GRID2: variants seen among roughly 807,000 people sequenced by gnomAD.
The protein encoded by GRID2 is glutamate ionotropic receptor delta type subunit 2.
A neutral mutation model predicts 114.8 loss-of-function variants in GRID2; 33 were observed. The observed-to-expected ratio is 0.29, with a 90% CI of 0.22 to 0.38. The LOEUF (loss-of-function observed/expected upper bound fraction) is 0.38, where lower values mean the gene tolerates loss of function less well. Among genes scored for constraint, GRID2 ranks in the 10% least tolerant of loss-of-function variants. GRID2 has a pLI of 1.00. For synonymous variants in GRID2, 505 were observed against 449.9 expected (o/e 1.12, Z -1.55); for missense variants, 1,184 against 1,257.7 (o/e 0.94, Z 0.89).
chr4:93,128,522 A>G (rs571219534), intron 4 of GRID2, among the ~76,000 whole-genome samples: 1 of 152,338 alleles, frequency 6.6e-6, no homozygotes. Flanking sequence ...TCAGAACAAA[A>G]GAGAAATGTT....
At chr4:92,767,727 G>A (rs1304047988) in intron 2 of GRID2, among the ~76,000 whole-genome samples, 1 of 151,728 alleles carries the variant, frequency 6.6e-6, no homozygotes, top group African/African-American at 2.4e-5. Context: ...CTCCAGTCTG[G>A]GCGACAGAGA....
At chr4:93,631,684 A>G (rs867855367) in intron 14 of GRID2, among the ~76,000 whole-genome samples, 1 of 152,174 alleles carries the variant, frequency 6.6e-6, no homozygotes, top group Admixed American at 6.5e-5. Flanking sequence ...ATACGTGTGC[A>G]TGTGTCTTTA....
At chr4:93,285,539 C>A (rs112558160) in intron 8 of GRID2, among the ~76,000 whole-genome samples, 2 of 151,984 alleles carry the variant, frequency 1.3e-5, no homozygotes, top group African/African-American at 4.8e-5. Flanking sequence ...AAATAGCTGA[C>A]ACTGTGAAAT....
chr4:93,597,685 A>G (rs1739239971), intron 13 of GRID2, among the ~76,000 whole-genome samples: 1 of 152,180 alleles, frequency 6.6e-6, no homozygotes, highest in East Asian at 1.9e-4. Context: ...GACACTCTTC[A>G]TTGCCTGTCC....
intron 2 of GRID2, among the ~76,000 whole-genome samples, chr4:92,847,149 A>C (rs1475422203): frequency 6.6e-6 from 1 of 152,092 alleles, no homozygotes; most frequent in Non-Finnish European, 1.5e-5. Flanking sequence ...CTTGGCTGAC[A>C]GCTGAGACTT....
intron 14 of GRID2, among the ~76,000 whole-genome samples, chr4:93,652,784 T>TAAAAAAAAAAAAAAAAA (rs200098114): frequency 1.2e-5 from 1 of 86,416 alleles, no homozygotes; most frequent in Non-Finnish European, 2.3e-5. Context: ...CAGTAAATGC[T>TAAAAAAAAAAAAAAAAA]AAAAAAAAAA....
intron 1 of GRID2, among the ~76,000 whole-genome samples, chr4:92,543,766 A>T (rs1402054770): frequency 6.6e-6 from 1 of 152,222 alleles, no homozygotes; most frequent in Non-Finnish European, 1.5e-5. Context: ...TAGATGGAAT[A>T]GGAAAAAATG....
At chr4:92,700,909 G>T (rs1734642537) in intron 2 of GRID2, among the ~76,000 whole-genome samples, 1 of 151,812 alleles carries the variant, frequency 6.6e-6, no homozygotes, top group Non-Finnish European at 1.5e-5. Context: ...CAGGAGAATG[G>T]CGTGAACCCG....
At chr4:93,574,070 A>G (rs2149584398) in intron 13 of GRID2, among the ~76,000 whole-genome samples, 1 of 152,246 alleles carries the variant, frequency 6.6e-6, no homozygotes, top group East Asian at 1.9e-4. Context: ...TTACCTTTAC[A>G]TTTGTATTTT....
rs1744691624 is a variant in GRID2, at chr4:93,220,024, GGAGAAACACTTA to G, written c.963+3115_963+3126del. Among the ~76,000 whole-genome samples, 4 of 152,136 alleles carry G rather than the reference GGAGAAACACTTA, an allele frequency of 2.6e-5. No individual in the cohort carries two copies. The South Asian group carries it at 8.3e-4, about 32-fold the overall frequency. On this transcript the variant is annotated intron_variant, in intron 6 of 15. Coordinates refer to ENST00000282020, the MANE Select transcript of GRID2 (RefSeq NM_001510.4). ...CAAAATATGATAGCTCAGAAATACT[GGAGAAACACTTA>G]GGAAGAGGACCAAGGTACAAGAGAT... is the stretch of plus-strand genomic sequence containing the variant.
At chr4:93,494,492 C>G (rs1438190593) in intron 12 of GRID2, among the ~76,000 whole-genome samples, 2 of 151,678 alleles carry the variant, frequency 1.3e-5, no homozygotes, top group African/African-American at 4.8e-5. Context: ...TAAAATTTTA[C>G]CTTGTTTTTA....
intron 1 of GRID2, among the ~76,000 whole-genome samples, chr4:92,394,960 C>T (rs1265001460): frequency 1.3e-5 from 2 of 151,334 alleles, no homozygotes; most frequent in Non-Finnish European, 3.0e-5. Context: ...ATTCTTAGAG[C>T]ACAGTGATAA....
At chr4:93,220,910 A>C (rs1744798886) in intron 6 of GRID2, among the ~76,000 whole-genome samples, 1 of 152,204 alleles carries the variant, frequency 6.6e-6, no homozygotes, top group Non-Finnish European at 1.5e-5. Flanking sequence ...TAGAAGAGAA[A>C]GCTTATGTTG....
chr4:92,357,177 T>A (rs968558032), intron 1 of GRID2, among the ~76,000 whole-genome samples: 1 of 151,972 alleles, frequency 6.6e-6, no homozygotes, highest in African/African-American at 2.4e-5. Flanking sequence ...AAATTTTAAA[T>A]GAATTATACC....
chr4:93,786,803 T>C (rs1734602796), intron 1 of GRID2, among the ~76,000 whole-genome samples: 1 of 152,164 alleles, frequency 6.6e-6, no homozygotes, highest in South Asian at 2.1e-4. Context: ...ATCTGTACAG[T>C]TGCACATTTT....
chr4:92,358,575 A>G (rs72660102), intron 1 of GRID2, among the ~76,000 whole-genome samples: 4,915 of 152,042 alleles, frequency 0.032, 127 homozygotes, highest in Non-Finnish European at 0.045. Flanking sequence ...TATCAGTGGT[A>G]CTTCATTAAT....
chr4:93,479,014 A>G (rs1725594235), intron 11 of GRID2, among the ~76,000 whole-genome samples: 1 of 152,088 alleles, frequency 6.6e-6, no homozygotes, highest in Admixed American at 6.6e-5. Flanking sequence ...TAGGATACAT[A>G]GAGGCGTGCA....
chr4:93,264,931 C>T (rs1459932810), intron 8 of GRID2, among the ~76,000 whole-genome samples: 6 of 151,444 alleles, frequency 4.0e-5, no homozygotes, highest in East Asian at 3.9e-4. Context: ...TACAGGTGCC[C>T]GCCACCATGC....
intron 1 of GRID2, among the ~76,000 whole-genome samples, chr4:92,572,245 C>T (rs1727663263): frequency 1.3e-5 from 2 of 152,150 alleles, no homozygotes; most frequent in Non-Finnish European, 1.5e-5. Flanking sequence ...TCAGATAATA[C>T]TATAAACACC....
Sources: allele counts gnomAD v4.1 joint callset (sites outside exome capture counted in the v4.1 genomes callset), GRCh38; gene constraint gnomAD v4.1.1; transcripts MANE v1.5; gene names NCBI Gene and HGNC (gene_info 2026-07-23, HGNC 2026-07-21).